Variants in BTBD7 observed in about 807,000 individuals in gnomAD.
The protein encoded by BTBD7 is BTB/POZ domain-containing protein 7.
A neutral mutation model predicts 99.9 loss-of-function variants in BTBD7; 38 were observed. The ratio of observed to expected loss-of-function variants is 0.38; its 90% CI spans 0.29 to 0.50. BTBD7 has a LOEUF of 0.50. BTBD7 is among the 20% of genes least tolerant of loss of function. The probability of loss-of-function intolerance (pLI) is 0.93; values close to 1 mark genes in which losing one functional copy is unlikely to be tolerated. For synonymous variants in BTBD7, 520 were observed against 511.4 expected (o/e 1.02, Z -0.23); for missense variants, 1,170 against 1,394.6 (o/e 0.84, Z 2.57).
At chr14:93,306,875 G>A (rs919132017) in intron 1 of BTBD7, among the ~76,000 whole-genome samples, 1 of 152,114 alleles carries the variant, frequency 6.6e-6, no homozygotes, top group African/African-American at 2.4e-5. Context: ...GATTTTTAGA[G>A]ATCATTTCTT....
At chr14:93,321,278 C>A (rs2053266093) in intron 1 of BTBD7, among the ~76,000 whole-genome samples, 1 of 152,170 alleles carries the variant, frequency 6.6e-6, no homozygotes, top group African/African-American at 2.4e-5. Context: ...ATGAACAAGA[C>A]AGGCATAATT....
chr14:93,284,831 G>A (rs552915783), intron 3 of BTBD7, among the ~76,000 whole-genome samples: 1 of 152,030 alleles, frequency 6.6e-6, no homozygotes, highest in Non-Finnish European at 1.5e-5. Flanking sequence ...ATGATCAAAG[G>A]CAAAATACCC....
At position 93,243,979 on chromosome 14, in the gene BTBD7, G is replaced by T. The variant is rs1595281621; in HGVS notation, c.2584-891C>A. The T allele has an allele frequency of 2.5e-5, 5 of 197,494 alleles. No homozygotes were observed. The South Asian group carries it at 3.2e-4, about 13-fold the overall frequency. The allele number at this position is 197,494 out of a possible 1,614,324, so 12.2% of individuals were successfully genotyped here. A position where few individuals can be genotyped will look rare whatever the true frequency, so the allele number is the denominator to read the frequency against. ...TAGAGAGGTCTAAGAAGGCGAGAAAGGCTTTCTGTGCTAACAGTGCCCCTG... is the reference window on the plus strand; with the variant it reads ...TAGAGAGGTCTAAGAAGGCGAGAAATGCTTTCTGTGCTAACAGTGCCCCTG... On this transcript the variant is annotated intron_variant, in intron 10 of 10. Coordinates refer to ENST00000334746, the MANE Select transcript of BTBD7 (RefSeq NM_001002860.4).
At chr14:93,254,631 G>A (rs544994579) in intron 6 of BTBD7, among the ~76,000 whole-genome samples, 6 of 152,318 alleles carry the variant, frequency 3.9e-5, no homozygotes, top group Non-Finnish European at 8.8e-5. Flanking sequence ...AAGGGCTCCT[G>A]TATGGCTCTG....
chr14:93,323,950 C>T (rs188827332), intron 1 of BTBD7, among the ~76,000 whole-genome samples: 8 of 152,280 alleles, frequency 5.3e-5, no homozygotes, highest in East Asian at 1.9e-4. Context: ...TGCGACATCC[C>T]GTACACTTTG....
intron 1 of BTBD7, among the ~76,000 whole-genome samples, chr14:93,303,617 G>A (rs2053031908): frequency 6.6e-6 from 1 of 152,160 alleles, no homozygotes; most frequent in South Asian, 2.1e-4. Flanking sequence ...AAAAAATTCA[G>A]TTTCTAGCCA....
intron 1 of BTBD7, among the ~76,000 whole-genome samples, chr14:93,298,462 G>A (rs866556484): frequency 6.6e-6 from 1 of 152,072 alleles, no homozygotes; most frequent in East Asian, 1.9e-4. Context: ...TAAAAATATT[G>A]TATAAAATTA....
At chr14:93,248,409 T>C (rs1475277134) in intron 9 of BTBD7, 67 bp downstream of exon 9, 17 of 1,517,256 alleles carry the variant, frequency 1.1e-5, no homozygotes, top group Non-Finnish European at 1.4e-5. Flanking sequence ...CTCGTCAGGA[T>C]GCCCACAATA....
In BTBD7 at chr14:93,296,002, C is replaced by T. The variant is rs763593531; in HGVS notation, c.50G>A (p.Gly17Glu). The T allele has an allele frequency of 4.3e-6, 7 of 1,614,004 alleles. No homozygotes were observed. The highest frequency in any genetic ancestry group is 5.9e-6 in the Non-Finnish European group (7 of 1,179,976). ...NYPHSCSPRVGGNSQAQQTFI... is the reference protein window; with the variant it reads ...NYPHSCSPRVEGNSQAQQTFI... Reference sequence around the variant, plus strand: ...AGTCTGTTGGGCCTGTGAATTTCCCCCTACCCTCGGGGAACATGAATGAGG... The same window carrying T: ...AGTCTGTTGGGCCTGTGAATTTCCCTCTACCCTCGGGGAACATGAATGAGG... The change falls in exon 2 of 11, where the codon GGG becomes GAG. Residue 17 changes from glycine (G) to glutamate (E), a missense_variant. This residue lies in a region of BTBD7 where 359 missense variants were observed against 497.9 expected (regional missense o/e 0.72). Transcript: ENST00000334746.
At chr14:93,322,802 C>A (rs2053285029) in intron 1 of BTBD7, among the ~76,000 whole-genome samples, 1 of 152,176 alleles carries the variant, frequency 6.6e-6, no homozygotes, top group Non-Finnish European at 1.5e-5. Flanking sequence ...TACTCTATTC[C>A]TCTTGTCTTC....
Position 93,276,424 on chromosome 14 carries a change from G to C in BTBD7, c.1163-12431C>G, listed in dbSNP as rs535130507. ...TGTCAAGGGCAACTGAGTGGCTGGG[G>C]AACAAAGTGGAAGGGTGGGGGACTC... On this transcript the variant is annotated intron_variant, in intron 3 of 10. Coordinates refer to ENST00000334746, the MANE Select transcript of BTBD7 (RefSeq NM_001002860.4). Among the ~76,000 whole-genome samples the C allele has an allele frequency of 5.3e-5, 8 of 152,258 alleles. No individual in the cohort carries two copies. The East Asian group carries it at 1.5e-3, about 29-fold the overall frequency.
chr14:93,248,789 G>A (rs1215540958), intron 8 of BTBD7, 135 bp from the exon 9 acceptor site: 1 of 806,216 alleles, frequency 1.2e-6, no homozygotes, highest in Non-Finnish European at 1.8e-6. Context: ...AATTTCCTGG[G>A]AACACATTCA....
intron 3 of BTBD7, among the ~76,000 whole-genome samples, chr14:93,286,534 A>T (rs1435830026): frequency 6.6e-6 from 1 of 152,166 alleles, no homozygotes; most frequent in Non-Finnish European, 1.5e-5. Flanking sequence ...CTCACAGCTG[A>T]GGCTCCTACA....
In BTBD7 at chr14:93,263,849, G is replaced by A. The variant is rs780909487; in HGVS notation, c.1307C>T (p.Ser436Leu). 12 of 1,614,026 alleles carry A rather than the reference G, an allele frequency of 7.4e-6. No individual in the cohort carries two copies. Among genetic ancestry groups the A allele is most frequent in the Non-Finnish European group, 1.0e-5 (12 of 1,180,034 alleles). The change falls in exon 4 of 11, where the codon TCG (serine) becomes TTG (leucine). Residue 436 changes from serine to leucine, a missense_variant. Around this residue, in one of 4 missense-constraint regions of BTBD7, gnomAD observed 309 missense variants for 342.0 expected, o/e 0.90. Transcript: ENST00000334746. ...LCEEFSQVMT[S>L]DVFYELSKDH... ...TTTGCTGAGTTCATAAAAAACATCCGAAGTCATGACCTGGGAAAATTCCTC... is the reference window on the plus strand; with the variant it reads ...TTTGCTGAGTTCATAAAAAACATCCAAAGTCATGACCTGGGAAAATTCCTC...
At chr14:93,318,699 T>C (rs2053236210) in intron 1 of BTBD7, among the ~76,000 whole-genome samples, 1 of 152,236 alleles carries the variant, frequency 6.6e-6, no homozygotes, top group African/African-American at 2.4e-5. Context: ...GAAGTGGCAC[T>C]TGAATGAGGT....
rs933091649 is a variant in BTBD7, at chr14:93,253,644, T to C, written c.1752+3A>G. ...TCTACTATCTTCAAATGGTTTTCAT[T>C]ACCTTTGCTTCTTCCACATAGGGAG... is the stretch of plus-strand genomic sequence containing the variant. On this transcript the variant is annotated splice_donor_region_variant and intron_variant, in intron 7 of 10. Transcript: ENST00000334746. The C allele has an allele frequency of 6.2e-7, 1 of 1,608,954 alleles. No individual in the cohort carries two copies. Among genetic ancestry groups the C allele is most frequent in the Non-Finnish European group, 8.5e-7 (1 of 1,176,478 alleles).
Position 93,260,553 on chromosome 14 carries a change from AT to A in BTBD7, c.1447+1048del, listed in dbSNP as rs758622305. Among the ~76,000 whole-genome samples, 518 of 136,298 alleles carry A rather than the reference AT, an allele frequency of 3.8e-3. 1 individual carries two copies. Among genetic ancestry groups the A allele is most frequent in the Middle Eastern group, 3.8e-3 (1 of 262 alleles). The allele number at this position is 136,298 out of a possible 152,430, so 89.4% of individuals were successfully genotyped here. On this transcript the variant is annotated intron_variant, in intron 5 of 10. Coordinates refer to ENST00000334746, the MANE Select transcript of BTBD7 (RefSeq NM_001002860.4). ...TTATTTCTCTTTTACCTTCCACAAC[AT>A]TTTTTTTTTTTTTTTGAGACGAAGT...
intron 1 of BTBD7, among the ~76,000 whole-genome samples, chr14:93,304,282 T>C (rs2053043800): frequency 6.6e-6 from 1 of 152,196 alleles, no homozygotes; most frequent in African/African-American, 2.4e-5. Context: ...GGCTTGAGAG[T>C]GTACAGAAAG....
intron 3 of BTBD7, among the ~76,000 whole-genome samples, chr14:93,276,544 CAGA>C (rs2052658318): frequency 6.6e-6 from 1 of 152,202 alleles, no homozygotes; most frequent in Non-Finnish European, 1.5e-5. Context: ...TGGAAGCTGC[CAGA>C]AGTTCTTTTC....
Sources: allele counts gnomAD v4.1 joint callset (sites outside exome capture counted in the v4.1 genomes callset), GRCh38; gene constraint gnomAD v4.1.1; regional missense constraint gnomAD v4.1.1; transcripts MANE v1.5; gene names NCBI Gene and HGNC (gene_info 2026-07-23, HGNC 2026-07-21).